ITCH: variants seen among roughly 807,000 people sequenced by gnomAD.
ITCH encodes E3 ubiquitin-protein ligase Itchy homolog.
Under a neutral mutation model 126.8 loss-of-function variants are expected in ITCH, and 28 were observed. That is an observed-to-expected ratio of 0.22 (90% CI 0.16 to 0.30). The LOEUF is 0.30. ITCH is among the 10% of genes least tolerant of loss of function. The probability of loss-of-function intolerance (pLI) is 1.00; values close to 1 mark genes in which losing one functional copy is unlikely to be tolerated. For missense variants in ITCH, 631 were observed against 1,032.4 expected, an observed-to-expected ratio of 0.61 and a Z score of 5.33; for synonymous variants, 342 against 340.0, an observed-to-expected ratio of 1.01 and a Z score of -0.06.
intron 7 of ITCH, among the ~76,000 whole-genome samples, chr20:34,428,943 T>A (rs1187640298): frequency 6.6e-6 from 1 of 152,182 alleles, no homozygotes; most frequent in Non-Finnish European, 1.5e-5. Flanking sequence ...TTTCTTTTTT[T>A]ACTTTTTTGT....
chr20:34,406,490 C>T (rs1443359539), intron 3 of ITCH, among the ~76,000 whole-genome samples: 4 of 151,668 alleles, frequency 2.6e-5, no homozygotes, highest in Non-Finnish European at 5.9e-5. Flanking sequence ...GGGACTATGC[C>T]TGCTTAGATA....
chr20:34,502,888 G>A (rs1351019683), intron 23 of ITCH, among the ~76,000 whole-genome samples: 1 of 151,756 alleles, frequency 6.6e-6, no homozygotes, highest in Non-Finnish European at 1.5e-5. Context: ...GTGTGGTGGT[G>A]CACATCTGTA....
chr20:34,479,521 A>G (rs528596939), intron 17 of ITCH, 109 bp from the exon 18 acceptor site: 7 of 845,448 alleles, frequency 8.3e-6, no homozygotes, highest in South Asian at 1.6e-5. Context: ...TGAGATTAGA[A>G]AACTATCACT....
At chr20:34,463,105 G>A (rs1004770809) in intron 14 of ITCH, among the ~76,000 whole-genome samples, 11 of 152,178 alleles carry the variant, frequency 7.2e-5, no homozygotes, top group Admixed American at 1.3e-4. Flanking sequence ...GCTCATGCCT[G>A]TAATCCCAGC....
At chr20:34,494,972 C>G (rs1989757500) in intron 23 of ITCH, among the ~76,000 whole-genome samples, 1 of 151,584 alleles carries the variant, frequency 6.6e-6, no homozygotes, top group African/African-American at 2.4e-5. Context: ...AATACATACA[C>G]TGGGCGCGGT....
chr20:34,474,921 G>A (rs1036282536), intron 16 of ITCH, among the ~76,000 whole-genome samples: 3 of 151,116 alleles, frequency 2.0e-5, no homozygotes, highest in African/African-American at 7.3e-5. Flanking sequence ...CAGGCAGAGG[G>A]TCTCCTCACT....
At chr20:34,414,726 C>T (rs183543070) in intron 6 of ITCH, among the ~76,000 whole-genome samples, 125 of 152,114 alleles carry the variant, frequency 8.2e-4, no homozygotes, top group Middle Eastern at 6.8e-3. Flanking sequence ...GTGATCCGCC[C>T]ACCTCAGCCT....
At chr20:34,476,663 A>G (rs957067465) in intron 16 of ITCH, 2 of 286,796 alleles carry the variant, frequency 7.0e-6, no homozygotes, top group African/African-American at 2.2e-5. Context: ...ATGTGAATTC[A>G]TAAATGTGAT....
rs530780853 is a variant in ITCH, at chr20:34,441,777, G to T, written c.870-431G>T. ...ATTTTTGAATTTTCAGTAGAAACGG[G>T]GTTTCACCATGTTGGCCAGGCTGGT... On this transcript the variant is annotated intron_variant, in intron 9 of 24. Transcript: ENST00000374864. 4.4e-5 allele frequency: 9 copies of T among 202,718 alleles called. No individual in the cohort carries two copies. The East Asian group carries it at 9.4e-4, about 21-fold the overall frequency. The allele number at this position is 202,718 out of a possible 1,614,324, so 12.6% of individuals were successfully genotyped here.
chr20:34,490,918 G>A (rs1390466651), intron 22 of ITCH, among the ~76,000 whole-genome samples: 1 of 152,170 alleles, frequency 6.6e-6, no homozygotes, highest in African/African-American at 2.4e-5. Flanking sequence ...ACAAAATGTG[G>A]TATATGCATA....
At chr20:34,446,336 C>T (rs1984460511) in intron 11 of ITCH, among the ~76,000 whole-genome samples, 2 of 152,298 alleles carry the variant, frequency 1.3e-5, no homozygotes, top group Middle Eastern at 6.8e-3. Context: ...TAGAATTCAT[C>T]AGAGTAAAAC....
At chr20:34,368,743 C>G (rs2122961702) in intron 1 of ITCH, among the ~76,000 whole-genome samples, 1 of 152,298 alleles carries the variant, frequency 6.6e-6, no homozygotes, top group East Asian at 1.9e-4. Context: ...TCAGAACTGA[C>G]TATATCCAGA....
At chr20:34,488,369 TA>T (rs1359224830) in intron 20 of ITCH, among the ~76,000 whole-genome samples, 1 of 152,168 alleles carries the variant, frequency 6.6e-6, no homozygotes, top group Non-Finnish European at 1.5e-5. Context: ...ATTTATGTTT[TA>T]AAAAATAATC....
chr20:34,445,569 C>T (rs2146307425), intron 11 of ITCH, 108 bp downstream of exon 11: 2 of 1,022,782 alleles, frequency 2.0e-6, no homozygotes, highest in Non-Finnish European at 3.0e-6. Context: ...CATGGCAACC[C>T]AGTTGTTGCT....
intron 3 of ITCH, among the ~76,000 whole-genome samples, chr20:34,398,239 T>G (rs1055015900): frequency 3.3e-5 from 5 of 151,934 alleles, no homozygotes; most frequent in Non-Finnish European, 7.4e-5. Flanking sequence ...ATTTTTGTAT[T>G]TTTTATAGAG....
chr20:34,462,130 A>G lies in ITCH; in HGVS notation c.1333A>G (p.Met445Val), dbSNP rs150653226. The change falls in exon 14 of 25, where the codon ATG becomes GTG. Residue 445 changes from methionine (M) to valine (V), a missense_variant. By Grantham distance (21) the Met-to-Val change is conservative. Around this residue, in one of 4 missense-constraint regions of ITCH, gnomAD observed 390 missense variants for 731.6 expected, o/e 0.53. Transcript: ENST00000374864. ...AAAGCCCTTACCTGAAGGTTGGGAA[A>G]TGAGATTCACAGTGGATGGAATTCC... ...NEKPLPEGWE[M>V]RFTVDGIPYF... The G allele has an allele frequency of 1.2e-4, 197 of 1,613,708 alleles. No homozygotes were observed. Among genetic ancestry groups the G allele is most frequent in the East Asian group, 2.2e-5 (1 of 44,858 alleles).
At chr20:34,476,614 A>G (rs1477946531) in intron 16 of ITCH, 1 of 471,726 alleles carries the variant, frequency 2.1e-6, no homozygotes, top group Non-Finnish European at 3.1e-6. Context: ...TAAGCATTGA[A>G]GTTTTTTGTT....
intron 18 of ITCH, 148 bp downstream of exon 18, chr20:34,479,937 C>T: frequency 1.3e-6 from 1 of 743,540 alleles, no homozygotes; most frequent in Non-Finnish European, 2.3e-6. Context: ...CTTGCTCTGT[C>T]ACCCAGGCTG....
chr20:34,368,035 C>G (rs547254789), intron 1 of ITCH, among the ~76,000 whole-genome samples: 31 of 152,228 alleles, frequency 2.0e-4, no homozygotes, highest in South Asian at 1.5e-3. Flanking sequence ...TTTTGGGAGG[C>G]TGAAGCGGGC....
Sources: gnomAD v4.1 joint callset for allele counts (sites outside exome capture counted in the v4.1 genomes callset) on GRCh38, gnomAD v4.1.1 for gene constraint, gnomAD v4.1.1 regional missense constraint, MANE v1.5 for transcripts, NCBI Gene and HGNC (gene_info 2026-07-23, HGNC 2026-07-21) for gene names.